PNLIPRP3: variants seen among roughly 807,000 people sequenced by gnomAD.
The protein encoded by PNLIPRP3 is pancreatic lipase-related protein 3.
In PNLIPRP3, 58 loss-of-function variants were observed where a neutral mutation model predicts 52.8. The ratio of observed to expected loss-of-function variants is 1.10; its 90% confidence interval spans 0.89 to 1.37. PNLIPRP3 has a LOEUF of 1.37. Ranked by LOEUF, PNLIPRP3 falls within the 40% of genes most tolerant of loss-of-function variation. The pLI, the probability that PNLIPRP3 is intolerant of heterozygous loss-of-function variation, is 0.00. For missense variants in PNLIPRP3, 593 were observed against 561.6 expected (o/e 1.06, Z -0.57); for synonymous variants, 192 against 185.0 (o/e 1.04, Z -0.31).
intron 5 of PNLIPRP3, among the ~76,000 whole-genome samples, chr10:116,460,328 A>G (rs1405522773): frequency 6.6e-6 from 1 of 152,210 alleles, no homozygotes; most frequent in African/African-American, 2.4e-5. Context: ...AATATGTGAA[A>G]GATCATAACA....
chr10:116,467,899 G>A (rs1240022242), intron 8 of PNLIPRP3, among the ~76,000 whole-genome samples: 1 of 151,900 alleles, frequency 6.6e-6, no homozygotes, highest in East Asian at 1.9e-4. Flanking sequence ...GCCGAGGAAG[G>A]CGGATCACTA....
intron 10 of PNLIPRP3, among the ~76,000 whole-genome samples, chr10:116,473,948 CAAAAAAAA>C (rs771490177): frequency 1.9e-5 from 2 of 103,278 alleles, no homozygotes; most frequent in African/African-American, 3.6e-5. Context: ...CATATGGAAC[CAAAAAAAA>C]AAAAAAAAAA....
Position 116,460,983 on chromosome 10 carries a change from C to A in PNLIPRP3, c.583C>A (p.Pro195Thr), listed in dbSNP as rs544377195. ...TTCTCTAGGGTTGGACCCAGCTGGG[C>A]CATTTTTCCACAACACTCCAAAGGA... ...GRITGLDPAG[P>T]FFHNTPKEVR... The change falls in exon 6 of 12, where the codon CCA becomes ACA. Residue 195 changes from proline (P) to threonine (T), a missense_variant. Pro to Thr is a conservative substitution (Grantham distance 38). Transcript: ENST00000369230. The A allele has an allele frequency of 2.4e-5, 38 of 1,612,080 alleles. No individual in the cohort carries two copies. Among genetic ancestry groups the A allele is most frequent in the Non-Finnish European group, 3.1e-5 (37 of 1,180,012 alleles).
intron 4 of PNLIPRP3, among the ~76,000 whole-genome samples, chr10:116,455,019 C>G (rs1190506955): frequency 6.6e-6 from 1 of 152,200 alleles, no homozygotes; most frequent in Non-Finnish European, 1.5e-5. Flanking sequence ...TTCAAGTTTT[C>G]CCTTTTCTCC....
chr10:116,453,884 G>A (rs894009661), intron 4 of PNLIPRP3, among the ~76,000 whole-genome samples: 6 of 152,154 alleles, frequency 3.9e-5, no homozygotes, highest in Admixed American at 3.3e-4. Context: ...CCATCATCTA[G>A]GTTTTAAGCC....
In PNLIPRP3 at chr10:116,443,107, A is replaced by T. The variant is rs1845880905; in HGVS notation, c.257A>T (p.Asp86Val). Residue 86 changes from aspartate to valine, a missense_variant, in exon 3 of 12, where the codon GAC becomes GTC. Asp to Val is a radical substitution (Grantham distance 152). Coordinates refer to ENST00000369230, the MANE Select transcript of PNLIPRP3 (RefSeq NM_001011709.3). ...ATCCAAGCCTCATATTTTGGAACAG[A>T]CAAGATCACCCGTATCAACATAGCT... The part of the protein sequence containing the change: ...STIQASYFGT[D>V]KITRINIAGW... The T allele has an allele frequency of 1.9e-6, 3 of 1,611,314 alleles. No homozygotes were observed. The highest frequency in any genetic ancestry group is 2.5e-6 in the Non-Finnish European group (3 of 1,178,008).
At chr10:116,444,928 G>A (rs887197313) in intron 4 of PNLIPRP3, among the ~76,000 whole-genome samples, 1 of 152,192 alleles carries the variant, frequency 6.6e-6, no homozygotes, top group African/African-American at 2.4e-5. Context: ...AGTTAGGTCT[G>A]TAGGCCAGTC....
Position 116,436,871 on chromosome 10 carries a change from C to A in PNLIPRP3, c.204+6C>A. The A allele has an allele frequency of 6.3e-7, 1 of 1,577,118 alleles. No individual in the cohort carries two copies. Among genetic ancestry groups the A allele is most frequent in the Non-Finnish European group, 8.6e-7 (1 of 1,158,098 alleles). On this transcript the variant is annotated splice_donor_region_variant and intron_variant, in intron 2 of 11. Coordinates refer to ENST00000369230, the MANE Select transcript of PNLIPRP3 (RefSeq NM_001011709.3). ...ACAATCCCAATGCCTATCAGGTAAGCTAACTTGCAGCCTTCACACATGGAT... is the reference window on the plus strand; with the variant it reads ...ACAATCCCAATGCCTATCAGGTAAGATAACTTGCAGCCTTCACACATGGAT...
chr10:116,459,888 C>T (rs1846166685), intron 5 of PNLIPRP3, among the ~76,000 whole-genome samples: 1 of 152,186 alleles, frequency 6.6e-6, no homozygotes, highest in Admixed American at 6.5e-5. Context: ...CTGCCTCAGC[C>T]TCCCAAGTAG....
chr10:116,439,943 G>A, intron 2 of PNLIPRP3: 1 of 864,908 alleles, frequency 1.2e-6, no homozygotes, highest in East Asian at 2.4e-5. Flanking sequence ...AAATTGACAG[G>A]GACCTCTGGG....
intron 4 of PNLIPRP3, among the ~76,000 whole-genome samples, chr10:116,445,835 A>T (rs1232626923): frequency 6.6e-6 from 1 of 152,146 alleles, no homozygotes; most frequent in Non-Finnish European, 1.5e-5. Flanking sequence ...AGCTAAAGGA[A>T]CAGCTGAGTC....
intron 5 of PNLIPRP3, among the ~76,000 whole-genome samples, chr10:116,457,575 C>A (rs183364022): frequency 6.6e-6 from 1 of 152,238 alleles, no homozygotes; most frequent in East Asian, 1.9e-4. Flanking sequence ...CCACCACCAC[C>A]ACCATTCTTA....
At chr10:116,429,711 G>A (rs1389556539) in intron 1 of PNLIPRP3, among the ~76,000 whole-genome samples, 1 of 152,228 alleles carries the variant, frequency 6.6e-6, no homozygotes, top group African/African-American at 2.4e-5. Context: ...AGTTAGACTG[G>A]TGAAGGCAGA....
chr10:116,472,901 G>C (rs1238969543), intron 10 of PNLIPRP3, among the ~76,000 whole-genome samples: 2 of 152,182 alleles, frequency 1.3e-5, no homozygotes, highest in Non-Finnish European at 2.9e-5. Context: ...TTTCCTGTCT[G>C]CTATTTTGTT....
At chr10:116,457,560 C>T (rs1276478433) in intron 5 of PNLIPRP3, among the ~76,000 whole-genome samples, 8 of 152,130 alleles carry the variant, frequency 5.3e-5, no homozygotes, top group Admixed American at 5.2e-4. Context: ...CCTCACTCAC[C>T]TCCACCACCA....
chr10:116,430,309 T>C (rs1048930160), intron 1 of PNLIPRP3, among the ~76,000 whole-genome samples: 1 of 151,970 alleles, frequency 6.6e-6, no homozygotes, highest in Admixed American at 6.6e-5. Flanking sequence ...ATGTTGGAGG[T>C]TTGAGAGGCA....
chr10:116,430,968 T>G (rs543573526), intron 1 of PNLIPRP3, among the ~76,000 whole-genome samples: 1 of 152,172 alleles, frequency 6.6e-6, no homozygotes, highest in Admixed American at 6.5e-5. Flanking sequence ...TATCCAAAAC[T>G]GAACTCTCAA....
intron 4 of PNLIPRP3, among the ~76,000 whole-genome samples, chr10:116,453,330 AG>A (rs1460599237): frequency 5.3e-5 from 8 of 152,142 alleles, no homozygotes; most frequent in Non-Finnish European, 4.4e-5. Flanking sequence ...CATAGGTAAA[AG>A]GAACTTGGCC....
rs1450946602 is a variant in PNLIPRP3 at position 116,476,708 on chromosome 10, T to C, written c.1229T>C (p.Val410Ala). 1.9e-6 allele frequency: 3 copies of C among 1,604,330 alleles called. No homozygotes were observed. The African/African-American group carries it at 4.0e-5, about 22-fold the overall frequency. ...AAATTAATCGATGCAGATGTTAACG[T>C]TGGAAACATTACAAGTGTTCAGTTC... ...YTKLIDADVN[V>A]GNITSVQFIW... Residue 410 changes from valine to alanine, a missense_variant, in exon 11 of 12, where the codon GTT becomes GCT. Val to Ala is a moderately conservative substitution (Grantham distance 64). Coordinates refer to ENST00000369230, the MANE Select transcript of PNLIPRP3 (RefSeq NM_001011709.3).
Sources: allele counts gnomAD v4.1 joint callset (sites outside exome capture counted in the v4.1 genomes callset), GRCh38; gene constraint gnomAD v4.1.1; transcripts MANE v1.5; gene names NCBI Gene and HGNC (gene_info 2026-07-23, HGNC 2026-07-21).